RRAGD: variants seen among roughly 807,000 people sequenced by gnomAD.
RRAGD encodes Ras related GTP binding D, also known as ras-related GTP-binding protein D.
A neutral mutation model predicts 35.5 loss-of-function variants in RRAGD; 12 were observed. The ratio of observed to expected loss-of-function variants is 0.34; its 90% CI spans 0.22 to 0.55. The LOEUF (loss-of-function observed/expected upper bound fraction) is 0.55. RRAGD is among the 20% of genes least tolerant of loss of function. RRAGD has a pLI of 0.91. For missense variants in RRAGD, 324 were observed against 490.1 expected (o/e 0.66, Z 3.20); for synonymous variants, 155 against 178.9 (o/e 0.87, Z 1.07).
intron 1 of RRAGD, among the ~76,000 whole-genome samples, chr6:89,403,778 GCACACACCACCTCCACCACACC>G (rs1769525812): frequency 6.6e-6 from 1 of 151,726 alleles, no homozygotes; most frequent in South Asian, 2.1e-4. Flanking sequence ...AGGACTACAG[GCACACACCACCTCCACCACACC>G]TAGCTAATTT....
chr6:89,399,300 A>C (rs1317392356), intron 1 of RRAGD, among the ~76,000 whole-genome samples: 1 of 152,212 alleles, frequency 6.6e-6, no homozygotes, highest in East Asian at 1.9e-4. Flanking sequence ...ATACAGCTGC[A>C]ACAACACATA....
chr6:89,380,733 C>T (rs1769027868), intron 2 of RRAGD, among the ~76,000 whole-genome samples: 1 of 151,916 alleles, frequency 6.6e-6, no homozygotes, highest in Non-Finnish European at 1.5e-5. Context: ...CGGTGAAACC[C>T]CTTCTCTACT....
At chr6:89,378,233 C>T (rs572204232) in intron 4 of RRAGD, among the ~76,000 whole-genome samples, 85 of 151,380 alleles carry the variant, frequency 5.6e-4, no homozygotes, top group African/African-American at 2.0e-3. Context: ...ACCCAGGAGG[C>T]GGAGGTAGCG....
Position 89,368,043 on chromosome 6 carries a change from C to G in RRAGD, c.*13G>C. The G allele has an allele frequency of 6.3e-7, 1 of 1,585,480 alleles. No homozygotes were observed. The highest frequency in any genetic ancestry group is 8.6e-7 in the Non-Finnish European group (1 of 1,167,166). On this transcript the variant is annotated 3_prime_UTR_variant, in exon 7 of 7. Transcript: ENST00000369415. The stretch of plus-strand genomic sequence containing the variant: ...ATAAGGTCTGATTTCAAAAGACATT[C>G]CTGAAACCTCACCTACAGCAGCACT...
At chr6:89,373,871 C>T (rs535143625) in intron 5 of RRAGD, among the ~76,000 whole-genome samples, 46 of 152,286 alleles carry the variant, frequency 3.0e-4, no homozygotes, top group African/African-American at 1.1e-3. Context: ...AAAATACACA[C>T]TTATTATCAT....
At chr6:89,374,262 G>C (rs1768897551) in intron 5 of RRAGD, among the ~76,000 whole-genome samples, 1 of 152,180 alleles carries the variant, frequency 6.6e-6, no homozygotes, top group South Asian at 2.1e-4. Flanking sequence ...GTAAAGTCAG[G>C]ACCTCAAACC....
rs748164785 is a variant in RRAGD, at chr6:89,367,785, C to T, written c.*271G>A. ...TGTACAATTCCTGGCAGTTCTCACACGGGATTTTTTTGACTACAGACCATA... is the reference window on the plus strand; with the variant it reads ...TGTACAATTCCTGGCAGTTCTCACATGGGATTTTTTTGACTACAGACCATA... On this transcript the variant is annotated 3_prime_UTR_variant, in exon 7 of 7. Coordinates refer to ENST00000369415, the MANE Select transcript of RRAGD (RefSeq NM_021244.5). 2.5e-5 allele frequency: 8 copies of T among 324,392 alleles called. No homozygotes were observed. The highest frequency in any genetic ancestry group is 4.6e-5 in the Admixed American group (1 of 21,510). The allele number at this position is 324,392 out of a possible 1,614,324, so 20.1% of individuals were successfully genotyped here.
At chr6:89,390,479 C>T (rs754158129) in intron 1 of RRAGD, among the ~76,000 whole-genome samples, 3 of 152,202 alleles carry the variant, frequency 2.0e-5, no homozygotes, top group African/African-American at 7.2e-5. Context: ...TTCACACCTA[C>T]TAGGATGGCT....
chr6:89,390,446 T>C (rs1769211957), intron 1 of RRAGD, among the ~76,000 whole-genome samples: 1 of 152,144 alleles, frequency 6.6e-6, no homozygotes, highest in Non-Finnish European at 1.5e-5. Context: ...GAAGTACAAG[T>C]AAAAACCACA....
intron 5 of RRAGD, among the ~76,000 whole-genome samples, chr6:89,375,419 C>A (rs1466586559): frequency 1.3e-5 from 2 of 152,196 alleles, no homozygotes; most frequent in African/African-American, 4.8e-5. Context: ...AATGAAAACA[C>A]ATGAAGATAG....
intron 5 of RRAGD, among the ~76,000 whole-genome samples, chr6:89,373,554 G>A (rs1168549391): frequency 2.7e-5 from 4 of 150,138 alleles, no homozygotes; most frequent in Non-Finnish European, 4.4e-5. Flanking sequence ...GGAGGCAGAC[G>A]TTGCCGTGAG....
chr6:89,373,661 GGT>G (rs1768889642), intron 5 of RRAGD, among the ~76,000 whole-genome samples: 1 of 151,436 alleles, frequency 6.6e-6, no homozygotes, highest in Admixed American at 6.6e-5. Context: ...TTTAAGAAAA[GGT>G]GTGGTGTGCA....
rs58343827 is a variant in RRAGD, at chr6:89,382,400, A to AATATATATATATATATAT, written c.445-2051_445-2034dup. On this transcript the variant is annotated intron_variant, in intron 2 of 6. Coordinates refer to ENST00000369415, the MANE Select transcript of RRAGD (RefSeq NM_021244.5). ...ACACAGTGAGACCCCTATCTCTAGA[A>AATATATATATATATATAT]ATATATATATATATATATATATGTA... Among the ~76,000 whole-genome samples, 673 of 130,796 alleles carry AATATATATATATATATAT rather than the reference A, an allele frequency of 5.1e-3. 19 individuals carry two copies. Among genetic ancestry groups the AATATATATATATATATAT allele is most frequent in the African/African-American group, 0.018 (571 of 31,138 alleles). The allele number at this position is 130,796 out of a possible 152,430, so 85.8% of individuals were successfully genotyped here.
At chr6:89,381,298 T>C (rs1292881010) in intron 2 of RRAGD, among the ~76,000 whole-genome samples, 1 of 152,204 alleles carries the variant, frequency 6.6e-6, no homozygotes, top group Non-Finnish European at 1.5e-5. Flanking sequence ...AAGCTTAAGA[T>C]GTTTGCCATC....
At chr6:89,375,472 CGTGTGCATGT>C (rs142648884) in intron 5 of RRAGD, among the ~76,000 whole-genome samples, 6,171 of 152,188 alleles carry the variant, frequency 0.041, 371 homozygotes, top group East Asian at 0.27. Flanking sequence ...CATATATGTG[CGTGTGCATGT>C]GTGTGCATGA....
At chr6:89,389,505 G>A (rs1769194335) in intron 1 of RRAGD, among the ~76,000 whole-genome samples, 1 of 142,704 alleles carries the variant, frequency 7.0e-6, no homozygotes. Flanking sequence ...GCAGTGGGCC[G>A]AGATCATGCC....
intron 6 of RRAGD, 114 bp downstream of exon 6, chr6:89,372,323 C>T: frequency 8.7e-7 from 1 of 1,150,326 alleles, no homozygotes. Flanking sequence ...CTGTGACTGG[C>T]ATCTGGAAGT....
At chr6:89,406,886 C>A (rs554392170) in intron 1 of RRAGD, among the ~76,000 whole-genome samples, 21 of 152,180 alleles carry the variant, frequency 1.4e-4, no homozygotes, top group Non-Finnish European at 2.6e-4. Context: ...GCTTGCCTGT[C>A]TGTGTGCTCC....
intron 2 of RRAGD, 152 bp downstream of exon 2, chr6:89,387,143 C>G (rs1582513149): frequency 1.4e-6 from 1 of 718,652 alleles, no homozygotes; most frequent in Non-Finnish European, 2.3e-6. Flanking sequence ...ACGGCTGGAG[C>G]CTTTTAACTT....
Sources: gnomAD v4.1 joint callset for allele counts (sites outside exome capture counted in the v4.1 genomes callset) on GRCh38, gnomAD v4.1.1 for gene constraint, MANE v1.5 for transcripts, NCBI Gene and HGNC (gene_info 2026-07-23, HGNC 2026-07-21) for gene names.